Variants in SETBP1 observed in about 807,000 individuals in gnomAD.
SETBP1 encodes the protein SET-binding protein.
A neutral mutation model predicts 101.0 loss-of-function variants in SETBP1; 9 were observed. The ratio of observed to expected loss-of-function variants is 0.09; its 90% CI spans 0.05 to 0.16. The LOEUF is 0.16. Ranked by LOEUF, SETBP1 falls within the 10% of genes least tolerant of loss-of-function variation. SETBP1 has a pLI of 1.00. For missense variants in SETBP1, 1,858 were observed against 2,033.8 expected, an observed-to-expected ratio of 0.91 and a Z score of 1.66; for synonymous variants, 818 against 788.5, an observed-to-expected ratio of 1.04 and a Z score of -0.63.
At chr18:45,034,017 A>G (rs2073347577) in intron 4 of SETBP1, among the ~76,000 whole-genome samples, 1 of 152,228 alleles carries the variant, frequency 6.6e-6, no homozygotes, top group African/African-American at 2.4e-5. Context: ...CCATGGAACA[A>G]CATACAGCTT....
intron 1 of SETBP1, among the ~76,000 whole-genome samples, chr18:44,686,959 C>T (rs2068850333): frequency 6.6e-6 from 1 of 152,160 alleles, no homozygotes; most frequent in African/African-American, 2.4e-5. Context: ...ACACACATAG[C>T]CCTTGACTTT....
At position 44,952,467 on chromosome 18, in the gene SETBP1, C is replaced by A; in HGVS notation, c.3127C>A (p.Pro1043Thr). Reference sequence around the variant, plus strand: ...TTTACAAGGGTTCAGCTACCCTATTCCCAGTGGAAGTTACTATGCACCCTA... The same window carrying A: ...TTTACAAGGGTTCAGCTACCCTATTACCAGTGGAAGTTACTATGCACCCTA... ...PFLQGFSYPIPSGSYYAPYGM... is the reference protein window; with the variant it reads ...PFLQGFSYPITSGSYYAPYGM... The change falls in exon 4 of 6, where the codon CCC (proline) becomes ACC (threonine). Residue 1043 changes from proline to threonine, a missense_variant. Coordinates refer to ENST00000649279, the MANE Select transcript of SETBP1 (RefSeq NM_015559.3). 1 of 1,614,070 alleles carries A rather than the reference C, an allele frequency of 6.2e-7. No homozygotes were observed. Among genetic ancestry groups the A allele is most frequent in the Non-Finnish European group, 8.5e-7 (1 of 1,180,026 alleles).
At chr18:44,747,660 T>G (rs992560656) in intron 2 of SETBP1, among the ~76,000 whole-genome samples, 2 of 152,262 alleles carry the variant, frequency 1.3e-5, no homozygotes, top group Non-Finnish European at 2.9e-5. Context: ...TATTTTACAA[T>G]ATGCAGTCTG....
chr18:44,683,961 G>A (rs2068797413), intron 1 of SETBP1, among the ~76,000 whole-genome samples: 1 of 152,310 alleles, frequency 6.6e-6, no homozygotes, highest in South Asian at 2.1e-4. Context: ...AAATGGGATG[G>A]TGTTATTGAG....
At position 44,902,962 on chromosome 18, in the gene SETBP1, A is replaced by G. The variant is rs2070088849; in HGVS notation, c.540+33679A>G. Among the ~76,000 whole-genome samples the G allele has an allele frequency of 2.0e-5, 3 of 152,136 alleles. No homozygotes were observed. In the South Asian group the frequency reaches 6.2e-4, roughly 31 times the overall value. On this transcript the variant is annotated intron_variant, in intron 3 of 5. Coordinates refer to ENST00000649279, the MANE Select transcript of SETBP1 (RefSeq NM_015559.3). ...ATATAATATTTTTTTAAAAAATAAT[A>G]CAATGAACATCTATATACCTCTACC... is the stretch of plus-strand genomic sequence containing the variant.
chr18:44,726,413 G>A (rs2069707736), intron 2 of SETBP1, among the ~76,000 whole-genome samples: 2 of 152,182 alleles, frequency 1.3e-5, no homozygotes, highest in African/African-American at 4.8e-5. Flanking sequence ...ACCTGCAAAT[G>A]TATATGTAAT....
intron 2 of SETBP1, among the ~76,000 whole-genome samples, chr18:44,846,793 A>G (rs1417119974): frequency 3.3e-5 from 5 of 152,250 alleles, no homozygotes; most frequent in Admixed American, 6.5e-5. Flanking sequence ...AACTTCTTCA[A>G]TAACTGTTCC....
chr18:45,043,482 A>T, intron 5 of SETBP1, among the ~76,000 whole-genome samples: 1 of 151,862 alleles, frequency 6.6e-6, no homozygotes. Context: ...CTATCATTGG[A>T]TCTCAACTGC....
chr18:44,914,762 C>A (rs556322934), intron 3 of SETBP1, among the ~76,000 whole-genome samples: 1 of 151,898 alleles, frequency 6.6e-6, no homozygotes, highest in African/African-American at 2.4e-5. Flanking sequence ...AGATGAAGTA[C>A]TATAGGAACA....
intron 3 of SETBP1, among the ~76,000 whole-genome samples, chr18:44,887,239 T>G (rs571019158): frequency 6.6e-6 from 1 of 152,296 alleles, no homozygotes; most frequent in Non-Finnish European, 1.5e-5. Flanking sequence ...GGAGGTTTCC[T>G]TTTTCTCTCA....
chr18:45,033,760 G>A (rs188402887), intron 4 of SETBP1, among the ~76,000 whole-genome samples: 315 of 152,296 alleles, frequency 2.1e-3, no homozygotes, highest in Non-Finnish European at 4.0e-3. Context: ...GGATCCCTTG[G>A]TGATGACTCC....
chr18:44,770,797 C>T (rs2070855565), intron 2 of SETBP1, among the ~76,000 whole-genome samples: 1 of 135,284 alleles, frequency 7.4e-6, no homozygotes. Context: ...TATTTCCTGA[C>T]AGTAGGGTGG....
intron 3 of SETBP1, among the ~76,000 whole-genome samples, chr18:44,918,251 C>G (rs1417420331): frequency 2.0e-5 from 3 of 152,202 alleles, no homozygotes; most frequent in South Asian, 2.1e-4. Context: ...TCTGGTTATA[C>G]TTTCTGGCAA....
chr18:44,778,000 T>C (rs750313274), intron 2 of SETBP1, among the ~76,000 whole-genome samples: 1 of 152,214 alleles, frequency 6.6e-6, no homozygotes, highest in Non-Finnish European at 1.5e-5. Flanking sequence ...ACAGATTCCC[T>C]GGGGCATGAA....
chr18:45,024,865 TC>T, intron 4 of SETBP1, among the ~76,000 whole-genome samples: 1 of 152,334 alleles, frequency 6.6e-6, no homozygotes. Flanking sequence ...CTCATTAGTT[TC>T]AGTAGGACTG....
At chr18:44,954,845 G>A (rs766045332) in intron 4 of SETBP1, among the ~76,000 whole-genome samples, 14 of 152,182 alleles carry the variant, frequency 9.2e-5, no homozygotes, top group Non-Finnish European at 1.6e-4. Context: ...GCCCACCTGG[G>A]CAGGAGGTAC....
At chr18:44,700,187 TG>T (rs1267098044) in intron 1 of SETBP1, among the ~76,000 whole-genome samples, 1 of 152,014 alleles carries the variant, frequency 6.6e-6, no homozygotes, top group Non-Finnish European at 1.5e-5. Context: ...TAATAGAACG[TG>T]GGGTGAAGAA....
intron 4 of SETBP1, among the ~76,000 whole-genome samples, chr18:44,969,502 G>C (rs186322874): frequency 5.8e-4 from 89 of 152,222 alleles, no homozygotes; most frequent in African/African-American, 2.1e-3. Context: ...ATAAATCTCA[G>C]CATTTAGAGA....
intron 2 of SETBP1, among the ~76,000 whole-genome samples, chr18:44,738,811 A>G (rs1485245902): frequency 6.6e-6 from 1 of 151,924 alleles, no homozygotes; most frequent in East Asian, 1.9e-4. Context: ...AAGACGGTAT[A>G]CACGAACACA....
Sources: allele counts gnomAD v4.1 joint callset (sites outside exome capture counted in the v4.1 genomes callset), GRCh38; gene constraint gnomAD v4.1.1; transcripts MANE v1.5; gene names NCBI Gene and HGNC (gene_info 2026-07-23, HGNC 2026-07-21).